The following VPS13D variants were observed in gnomAD, a reference collection of about 807,000 sequenced individuals.
VPS13D encodes intermembrane lipid transfer protein VPS13D.
A neutral mutation model predicts 461.9 loss-of-function variants in VPS13D; 187 were observed. That is an observed-to-expected ratio of 0.40 (90% CI 0.36 to 0.46). The LOEUF (loss-of-function observed/expected upper bound fraction) is 0.46, where lower values mean the gene tolerates loss of function less well. Ranked by LOEUF, VPS13D falls within the 20% of genes least tolerant of loss-of-function variation. VPS13D has a pLI of 0.60. For missense variants in VPS13D, 4,711 were observed against 5,364.9 expected (o/e 0.88, Z 3.81); for synonymous variants, 1,951 against 1,986.3 (o/e 0.98, Z 0.47).
chr1:12,400,320 A>G lies in VPS13D; in HGVS notation c.11774A>G (p.Asn3925Ser), dbSNP rs1225634374. Residue 3925 changes from asparagine to serine, a missense_variant, in exon 61 of 70, where the codon AAC becomes AGC. Transcript: ENST00000620676. ...TTCCCCAGTAAGAGTGCACTGACCAACATCTACAAGGTGGGCTGGTGGAGG... is the reference window on the plus strand; with the variant it reads ...TTCCCCAGTAAGAGTGCACTGACCAGCATCTACAAGGTGGGCTGGTGGAGG... Reference protein sequence around the residue: ...VKFPSKSALTNIYKHLMITAQ... With the variant: ...VKFPSKSALTSIYKHLMITAQ... 26 of 1,614,060 alleles carry G rather than the reference A, an allele frequency of 1.6e-5. No homozygotes were observed. Among genetic ancestry groups the G allele is most frequent in the Non-Finnish European group, 2.0e-5 (24 of 1,179,956 alleles).
At chr1:12,264,555 C>G (rs1336352404) in intron 13 of VPS13D, among the ~76,000 whole-genome samples, 6 of 152,232 alleles carry the variant, frequency 3.9e-5, no homozygotes, top group African/African-American at 1.4e-4. Context: ...ATCAAAGCAG[C>G]CACAGCCTTT....
intron 44 of VPS13D, among the ~76,000 whole-genome samples, chr1:12,347,607 C>G (rs1351811712): frequency 6.6e-6 from 1 of 152,132 alleles, no homozygotes; most frequent in East Asian, 1.9e-4. Flanking sequence ...TGTAGTTTGC[C>G]TTTTTGTTTG....
At position 12,425,699 on chromosome 1, in the gene VPS13D, G is replaced by A. The variant is rs1181506640; in HGVS notation, c.12333+8872G>A. ...CATATACCCAATAGGAAGGAAGGAA[G>A]GAAGGGAGGAAGAGAGGGAGGGAGG... On this transcript the variant is annotated intron_variant, in intron 65 of 69. Transcript: ENST00000620676. Among the ~76,000 whole-genome samples, 3 of 151,736 alleles carry A rather than the reference G, an allele frequency of 2.0e-5. No homozygotes were observed. The East Asian group carries it at 5.8e-4, about 29-fold the overall frequency.
chr1:12,442,429 G>A (rs1327866071), intron 65 of VPS13D, among the ~76,000 whole-genome samples: 1 of 152,110 alleles, frequency 6.6e-6, no homozygotes, highest in African/African-American at 2.4e-5. Context: ...TGAAACTAAA[G>A]TTACATGAAA....
chr1:12,256,885 G>A (rs1640940837), intron 8 of VPS13D, 102 bp from the exon 9 acceptor site: 1 of 1,252,824 alleles, frequency 8.0e-7, no homozygotes, highest in East Asian at 2.4e-5. Context: ...TTTCAATTCA[G>A]TGGATCAACT....
At position 12,369,518 on chromosome 1, in the gene VPS13D, G is replaced by A. The variant is rs1254513441; in HGVS notation, c.10624G>A (p.Glu3542Lys). 6.2e-7 allele frequency: 1 copy of A among 1,614,048 alleles called. No homozygotes were observed. Among genetic ancestry groups the A allele is most frequent in the African/African-American group, 1.3e-5 (1 of 74,916 alleles). The change falls in exon 54 of 70, where the codon GAA (glutamate) becomes AAA (lysine). Residue 3542 changes from glutamate to lysine, a missense_variant. This residue lies in a region of VPS13D where 4,411 missense variants were observed against 4,937.8 expected (regional missense o/e 0.89). Transcript: ENST00000620676. ...HGVAEPRLRT[E>K]VKPMTSLDYA... ...CGTAGCTGAACCCAGGCTCCGGACT[G>A]AAGTGAAGCCCATGACTTCATTGGA...
chr1:12,252,603 C>G (rs1431043672), intron 6 of VPS13D, among the ~76,000 whole-genome samples: 1 of 151,808 alleles, frequency 6.6e-6, no homozygotes, highest in Non-Finnish European at 1.5e-5. Context: ...GAAACCCCAT[C>G]TCTATTAAAA....
At chr1:12,309,294 T>G (rs1642663599) in intron 27 of VPS13D, among the ~76,000 whole-genome samples, 1 of 144,850 alleles carries the variant, frequency 6.9e-6, no homozygotes, top group Non-Finnish European at 1.5e-5. Flanking sequence ...CACTGCAACC[T>G]CCACCTCCCG....
chr1:12,345,379 C>T lies in VPS13D; in HGVS notation c.8891C>T (p.Thr2964Ile). The stretch of plus-strand genomic sequence containing the variant: ...TTCTTTGTTCTGCCTGACAGACACA[C>T]CCATGACCTCCGGATTCATCAACTG... ...EARGKLRHRH[T>I]HDLRIHQLQV... Residue 2964 changes from threonine (T) to isoleucine (I), a missense_variant, in exon 43 of 70, where the codon ACC becomes ATC. Thr to Ile is a moderately conservative substitution (Grantham distance 89). Transcript: ENST00000620676. 6.2e-7 allele frequency: 1 copy of T among 1,610,860 alleles called. No individual in the cohort carries two copies. Among genetic ancestry groups the T allele is most frequent in the Non-Finnish European group, 8.5e-7 (1 of 1,177,340 alleles).
At position 12,509,123 on chromosome 1, in the gene VPS13D, G is replaced by T; in HGVS notation, c.*99G>T. 2 of 1,428,054 alleles carry T rather than the reference G, an allele frequency of 1.4e-6. No homozygotes were observed. Among genetic ancestry groups the T allele is most frequent in the Admixed American group, 2.5e-5 (1 of 39,728 alleles). 88.5% of individuals were successfully genotyped at this position (1,428,054 alleles called of 1,614,324 possible). On this transcript the variant is annotated 3_prime_UTR_variant, in exon 70 of 70. Transcript: ENST00000620676. Reference sequence around the variant, plus strand: ...GACGATGGAGGCAGAACCGGAGTCGGGTTTGGGGAAGTTGTCAAGGAATGA... The same window carrying T: ...GACGATGGAGGCAGAACCGGAGTCGTGTTTGGGGAAGTTGTCAAGGAATGA...
chr1:12,313,376 C>T (rs1207463910), intron 29 of VPS13D, among the ~76,000 whole-genome samples: 1 of 144,196 alleles, frequency 6.9e-6, no homozygotes, highest in Admixed American at 7.2e-5. Context: ...GGTGCCATCT[C>T]GGCTCACTGC....
chr1:12,452,976 G>A (rs1372434728), intron 65 of VPS13D, among the ~76,000 whole-genome samples: 1 of 152,196 alleles, frequency 6.6e-6, no homozygotes, highest in East Asian at 1.9e-4. Context: ...GTTGAGATAG[G>A]TGTAGGTACC....
chr1:12,505,922 G>A lies in VPS13D; in HGVS notation c.12795-931G>A, dbSNP rs560280702. On this transcript the variant is annotated intron_variant, in intron 68 of 69. Transcript: ENST00000620676. The surrounding 1 kb of genome is among the most constrained non-coding windows in gnomAD (Gnocchi z 4.2). ...GCTTCTGCCCCCTTCAGAGGACCTGGGAACAACGCCGTTCTGGACCCAGGT... is the reference window on the plus strand; with the variant it reads ...GCTTCTGCCCCCTTCAGAGGACCTGAGAACAACGCCGTTCTGGACCCAGGT... Among the ~76,000 whole-genome samples the A allele has an allele frequency of 6.6e-6, 1 of 152,342 alleles. No individual in the cohort carries two copies. The highest frequency in any genetic ancestry group is 1.9e-4 in the East Asian group (1 of 5,186).
intron 27 of VPS13D, 102 bp from the exon 28 acceptor site, chr1:12,311,352 T>A: frequency 9.5e-7 from 1 of 1,053,280 alleles, no homozygotes; most frequent in South Asian, 2.1e-5. Context: ...ACCTACTTGA[T>A]AATGTAGGTG....
Position 12,394,579 on chromosome 1 carries a change from T to C in VPS13D, c.11635-5602T>C, listed in dbSNP as rs1480445385. Among the ~76,000 whole-genome samples, 6 of 152,186 alleles carry C rather than the reference T, an allele frequency of 3.9e-5. No individual in the cohort carries two copies. In the East Asian group the frequency reaches 1.2e-3, roughly 29 times the overall value. On this transcript the variant is annotated intron_variant, in intron 60 of 69. Transcript: ENST00000620676. ...ACAGAGAAAAGCAATTACAGGGCTCTTCAAAGATGCAGGTGCTGCCCTTAC... is the reference window on the plus strand; with the variant it reads ...ACAGAGAAAAGCAATTACAGGGCTCCTCAAAGATGCAGGTGCTGCCCTTAC...
chr1:12,440,873 C>T (rs895177300), intron 65 of VPS13D, among the ~76,000 whole-genome samples: 12 of 150,062 alleles, frequency 8.0e-5, no homozygotes, highest in Non-Finnish European at 1.8e-4. Flanking sequence ...GAGACTCTGC[C>T]TCAAAAAAAT....
At chr1:12,383,614 T>G (rs2101651057) in intron 58 of VPS13D, among the ~76,000 whole-genome samples, 1 of 152,080 alleles carries the variant, frequency 6.6e-6, no homozygotes, top group African/African-American at 2.4e-5. Context: ...AAGTAGTACT[T>G]AAACTGAGAC....
In VPS13D at chr1:12,441,580, C is replaced by T. The variant is rs115091375; in HGVS notation, c.12334-14418C>T. Reference sequence around the variant, plus strand: ...GGACAGGCATTCCTGAGGACCAGGTCGAAGTTGAGAAGTCACAGATTTGAA... The same window carrying T: ...GGACAGGCATTCCTGAGGACCAGGTTGAAGTTGAGAAGTCACAGATTTGAA... On this transcript the variant is annotated intron_variant, in intron 65 of 69. Transcript: ENST00000620676. Among the ~76,000 whole-genome samples, 762 of 152,238 alleles carry T rather than the reference C, an allele frequency of 5.0e-3. 3 individuals are homozygous for T. The highest frequency in any genetic ancestry group is 0.018 in the African/African-American group (735 of 41,528).
At chr1:12,311,355 T>G in intron 27 of VPS13D, 99 bp from the exon 28 acceptor site, 1 of 1,099,696 alleles carries the variant, frequency 9.1e-7, no homozygotes, top group Non-Finnish European at 1.3e-6. Context: ...TACTTGATAA[T>G]GTAGGTGAGT....
Sources: allele counts gnomAD v4.1 joint callset (sites outside exome capture counted in the v4.1 genomes callset), GRCh38; gene constraint gnomAD v4.1.1; regional missense constraint gnomAD v4.1.1; non-coding constraint Gnocchi (gnomAD v3.1); transcripts MANE v1.5; gene names NCBI Gene and HGNC (gene_info 2026-07-23, HGNC 2026-07-21).